CNOT4: variants seen among roughly 807,000 people sequenced by gnomAD.
CNOT4 encodes the protein CCR4-NOT transcription complex subunit 4, also known as CCR4-associated factor 4.
CNOT4 carries 8 observed loss-of-function variants against 73.8 expected under a neutral mutation model. The observed-to-expected ratio is 0.11, with a 90% confidence interval of 0.06 to 0.20. The LOEUF (loss-of-function observed/expected upper bound fraction) is 0.20, where lower values mean the gene tolerates loss of function less well. Among genes scored for constraint, CNOT4 ranks in the 10% least tolerant of loss-of-function variants. The probability of loss-of-function intolerance (pLI) is 1.00; values close to 1 mark genes in which losing one functional copy is unlikely to be tolerated. For missense variants in CNOT4, 564 were observed against 883.4 expected (o/e 0.64, Z 4.58); for synonymous variants, 293 against 321.1 (o/e 0.91, Z 0.94).
chr7:135,506,025 T>C (rs992595639), intron 1 of CNOT4, among the ~76,000 whole-genome samples: 7 of 152,230 alleles, frequency 4.6e-5, no homozygotes, highest in African/African-American at 1.7e-4. Flanking sequence ...GGGTAAATTA[T>C]GCTAGCTTTT....
chr7:135,422,332 C>T lies in CNOT4; in HGVS notation c.196G>A (p.Val66Ile). ...CRKPYPEDPAVYKPLSQEELQ... is the reference protein window; with the variant it reads ...CRKPYPEDPAIYKPLSQEELQ... ...TCTTCCTGGGAGAGTGGTTTATAAA[C>T]TGCTGGGTCTTCTGGATATGGCTTT... Residue 66 changes from valine (V) to isoleucine (I), a missense_variant, in exon 3 of 12, where the codon GTT becomes ATT. Around this residue, in one of 10 missense-constraint regions of CNOT4, gnomAD observed 76 missense variants for 208.7 expected, o/e 0.36. Coordinates refer to ENST00000541284, the MANE Select transcript of CNOT4 (RefSeq NM_001190850.2). The T allele has an allele frequency of 2.0e-6, 3 of 1,521,272 alleles. No homozygotes were observed. The highest frequency in any genetic ancestry group is 2.7e-6 in the Non-Finnish European group (3 of 1,095,842). The allele number at this position is 1,521,272 out of a possible 1,614,324, so 94.2% of individuals were successfully genotyped here.
intron 2 of CNOT4, 57 bp downstream of exon 2, chr7:135,438,101 C>A: frequency 1.1e-6 from 1 of 921,602 alleles, no homozygotes; most frequent in South Asian, 1.5e-5. Context: ...ATATACATGG[C>A]AGCAAAAAAC....
At chr7:135,502,816 C>CAAAAAAAAA (rs56358299) in intron 1 of CNOT4, among the ~76,000 whole-genome samples, 2 of 59,140 alleles carry the variant, frequency 3.4e-5, no homozygotes, top group Non-Finnish European at 6.6e-5. Context: ...AACTCCATCT[C>CAAAAAAAAA]AAAAAAAAAA....
chr7:135,420,577 CAAAAAA>C (rs71174521), intron 3 of CNOT4, among the ~76,000 whole-genome samples: 31 of 53,368 alleles, frequency 5.8e-4, no homozygotes, highest in Non-Finnish European at 9.9e-4. Flanking sequence ...ACCATGTCTC[CAAAAAA>C]AAAAAAAAAA....
intron 1 of CNOT4, among the ~76,000 whole-genome samples, chr7:135,498,760 G>A (rs1803762093): frequency 6.6e-6 from 1 of 152,104 alleles, no homozygotes; most frequent in Admixed American, 6.5e-5. Flanking sequence ...TGTTGGCCAG[G>A]CTGGTCTCGA....
intron 1 of CNOT4, among the ~76,000 whole-genome samples, chr7:135,496,923 T>TA (rs1442348411): frequency 6.6e-6 from 1 of 151,690 alleles, no homozygotes; most frequent in Non-Finnish European, 1.5e-5. Context: ...CCTCCCCACT[T>TA]AAACTCCCAA....
rs150135859 is a variant in CNOT4 at position 135,467,523 on chromosome 7, C to T, written c.-92-29100G>A. ...GTCAGGAGTTCAAAACCAGCCTGGACAATATAGCAAGACCCCATATCCACA... is the reference window on the plus strand; with the variant it reads ...GTCAGGAGTTCAAAACCAGCCTGGATAATATAGCAAGACCCCATATCCACA... On this transcript the variant is annotated intron_variant, in intron 1 of 11. Coordinates refer to ENST00000541284, the MANE Select transcript of CNOT4 (RefSeq NM_001190850.2). 3.1e-4 allele frequency among the ~76,000 whole-genome samples: 47 copies of T among 152,014 alleles called. No homozygotes were observed. In the East Asian group the frequency reaches 6.6e-3, roughly 21 times the overall value.
rs71174521 is a variant in CNOT4 at position 135,420,577 on chromosome 7, CAAAAAAAAA to C, written c.372+1570_372+1578del. ...GGGTGACAAAGTGAGACCATGTCTC[CAAAAAAAAA>C]AAAAAAAAAAAAAGTAGATTCTAAT... On this transcript the variant is annotated intron_variant, in intron 3 of 11. Transcript: ENST00000541284. Among the ~76,000 whole-genome samples the C allele has an allele frequency of 4.1e-3, 221 of 53,380 alleles. 1 individual carries two copies. The highest frequency in any genetic ancestry group is 0.032 in the Admixed American group (150 of 4,742). The allele number at this position is 53,380 out of a possible 152,430, so 35.0% of individuals were successfully genotyped here.
intron 10 of CNOT4, among the ~76,000 whole-genome samples, chr7:135,391,608 G>A (rs1796405641): frequency 6.6e-6 from 1 of 151,964 alleles, no homozygotes; most frequent in African/African-American, 2.4e-5. Context: ...AATCCCCAAA[G>A]ATAGGACCAT....
intron 1 of CNOT4, among the ~76,000 whole-genome samples, chr7:135,507,196 C>T (rs1804431835): frequency 6.6e-6 from 1 of 152,190 alleles, no homozygotes; most frequent in Non-Finnish European, 1.5e-5. Context: ...TATTTTTCTG[C>T]ACTTTGTCAT....
chr7:135,466,697 G>A (rs895221746), intron 1 of CNOT4, among the ~76,000 whole-genome samples: 2 of 152,094 alleles, frequency 1.3e-5, no homozygotes, highest in Non-Finnish European at 2.9e-5. Context: ...CATTCATGGT[G>A]AATGCCCTAA....
intron 3 of CNOT4, among the ~76,000 whole-genome samples, chr7:135,421,632 C>T (rs1798200771): frequency 6.6e-6 from 1 of 152,216 alleles, no homozygotes; most frequent in African/African-American, 2.4e-5. Flanking sequence ...CTTTATTTCA[C>T]ATTACCAAAT....
intron 2 of CNOT4, among the ~76,000 whole-genome samples, chr7:135,435,174 T>C (rs1046225523): frequency 1.3e-5 from 2 of 152,226 alleles, no homozygotes; most frequent in Admixed American, 1.3e-4. Context: ...TTCTAAAATT[T>C]CACAATTATA....
At chr7:135,405,439 C>A (rs1357167838) in intron 7 of CNOT4, among the ~76,000 whole-genome samples, 1 of 152,144 alleles carries the variant, frequency 6.6e-6, no homozygotes. Context: ...ATTCCTTTCA[C>A]AGTTGGTACT....
chr7:135,506,955 T>A (rs925164205), intron 1 of CNOT4, among the ~76,000 whole-genome samples: 17 of 152,176 alleles, frequency 1.1e-4, no homozygotes, highest in Non-Finnish European at 1.2e-4. Flanking sequence ...GGATTCCTTT[T>A]AAAGCCAAGA....
rs2129484148 is a variant in CNOT4, at chr7:135,413,469, A to G, written c.687+19T>C. ...TACTCCCTTTTCTGCAAAGTTGATA[A>G]TTCACATGACTTTACTACCTGCATT... On this transcript the variant is annotated intron_variant, in intron 6 of 11. Coordinates refer to ENST00000541284, the MANE Select transcript of CNOT4 (RefSeq NM_001190850.2). 6.2e-7 allele frequency: 1 copy of G among 1,607,644 alleles called. No homozygotes were observed. Among genetic ancestry groups the G allele is most frequent in the East Asian group, 2.2e-5 (1 of 44,818 alleles).
intron 10 of CNOT4, 58 bp downstream of exon 10, chr7:135,393,860 C>A: frequency 8.0e-7 from 1 of 1,254,652 alleles, no homozygotes; most frequent in African/African-American, 1.5e-5. Context: ...CCCTATCCAC[C>A]CAACAACCTG....
intron 10 of CNOT4, among the ~76,000 whole-genome samples, chr7:135,391,310 T>C (rs1030903377): frequency 4.6e-5 from 7 of 152,084 alleles, no homozygotes; most frequent in African/African-American, 1.4e-4. Context: ...TGTGTGAGAC[T>C]CTTGATAAAA....
chr7:135,453,900 G>C (rs1400227813), intron 1 of CNOT4, among the ~76,000 whole-genome samples: 1 of 140,738 alleles, frequency 7.1e-6, no homozygotes, highest in Non-Finnish European at 1.5e-5. Flanking sequence ...CACTTTGGGA[G>C]GCCAAGGCAG....
Sources: gnomAD v4.1 joint callset for allele counts (sites outside exome capture counted in the v4.1 genomes callset) on GRCh38, gnomAD v4.1.1 for gene constraint, gnomAD v4.1.1 regional missense constraint, MANE v1.5 for transcripts, NCBI Gene and HGNC (gene_info 2026-07-23, HGNC 2026-07-21) for gene names.